The following SI variants were observed in gnomAD, a reference collection of about 807,000 sequenced individuals.
SI encodes the protein sucrase-isomaltase, also known as sucrase-isomaltase, intestinal.
Under a neutral mutation model 253.3 loss-of-function variants are expected in SI, and 235 were observed. The observed-to-expected ratio is 0.93, with a 90% CI of 0.83 to 1.03. The LOEUF (loss-of-function observed/expected upper bound fraction) is 1.03, where lower values mean the gene tolerates loss of function less well. SI is among the 50% of genes least tolerant of loss of function. The pLI is 0.00. For synonymous variants in SI, 819 were observed against 712.0 expected (o/e 1.15, Z -2.39); for missense variants, 2,442 against 2,211.1 (o/e 1.10, Z -2.09).
At chr3:165,002,779 T>A (rs1718313723) in intron 37 of SI, among the ~76,000 whole-genome samples, 1 of 151,764 alleles carries the variant, frequency 6.6e-6, no homozygotes. Context: ...AAAATTAAAA[T>A]ATTAAGAAAG....
chr3:165,074,683 A>C lies in SI; in HGVS notation c.119-16T>G. On this transcript the variant is annotated splice_polypyrimidine_tract_variant and intron_variant, in intron 2 of 47. Transcript: ENST00000264382. ...TCACTAATTTCTGGGGGAGGAAAAA[A>C]CTCAATAAAATAAAACATGACATTA... The C allele has an allele frequency of 6.3e-7, 1 of 1,598,496 alleles. No individual in the cohort carries two copies. The highest frequency in any genetic ancestry group is 1.3e-5 in the African/African-American group (1 of 74,630).
At chr3:165,001,639 T>C in intron 37 of SI, among the ~76,000 whole-genome samples, 1 of 151,576 alleles carries the variant, frequency 6.6e-6, no homozygotes, top group East Asian at 1.9e-4. Flanking sequence ...CAATGTTCTA[T>C]TCATCTATAT....
At chr3:165,035,234 A>G (rs1203307551) in intron 22 of SI, among the ~76,000 whole-genome samples, 1 of 152,016 alleles carries the variant, frequency 6.6e-6, no homozygotes, top group African/African-American at 2.4e-5. Flanking sequence ...GGTAAATGGT[A>G]TAAAAGACTA....
intron 13 of SI, among the ~76,000 whole-genome samples, chr3:165,053,157 C>T (rs1465138612): frequency 1.3e-5 from 2 of 151,536 alleles, no homozygotes; most frequent in East Asian, 1.9e-4. Context: ...CTCAACTATT[C>T]GATTATCCCA....
At chr3:165,049,961 T>C (rs1195186791) in intron 13 of SI, 86 bp from the exon 14 acceptor site, 2 of 850,314 alleles carry the variant, frequency 2.4e-6, no homozygotes, top group Non-Finnish European at 4.0e-6. Flanking sequence ...TGAAAATGTT[T>C]TATATAAGAT....
chr3:165,062,709 T>C (rs192908008), intron 8 of SI, among the ~76,000 whole-genome samples: 8 of 152,164 alleles, frequency 5.3e-5, no homozygotes, highest in Admixed American at 2.0e-4. Context: ...CTTTCACAGG[T>C]GGTGGCAAAA....
chr3:164,994,917 T>A (rs1220305642), intron 40 of SI, among the ~76,000 whole-genome samples: 1 of 151,748 alleles, frequency 6.6e-6, no homozygotes, highest in Non-Finnish European at 1.5e-5. Flanking sequence ...AAGGAAATAA[T>A]GTGCCTGAGT....
Position 165,049,814 on chromosome 3 carries a change from A to C in SI, c.1574T>G (p.Leu525Trp). ...ACCAGGAGTAAACGGTGGATAATTC[A>C]ATTTGTTTACATTACATCCTTTTGT... The part of the protein sequence containing the change: ...GSTKGCNVNK[L>W]NYPPFTPDIL... Residue 525 changes from leucine to tryptophan, a missense_variant, in exon 14 of 48, where the codon TTG (leucine) becomes TGG (tryptophan). Leu to Trp is a moderately conservative substitution (Grantham distance 61, BLOSUM62 -2). Coordinates refer to ENST00000264382, the MANE Select transcript of SI (RefSeq NM_001041.4). 6.2e-7 allele frequency: 1 copy of C among 1,603,080 alleles called. No homozygotes were observed. Among genetic ancestry groups the C allele is most frequent in the Non-Finnish European group, 8.5e-7 (1 of 1,170,956 alleles).
intron 45 of SI, among the ~76,000 whole-genome samples, chr3:164,985,527 A>G (rs1717394414): frequency 1.3e-5 from 2 of 152,150 alleles, no homozygotes; most frequent in African/African-American, 2.4e-5. Context: ...ACTTTATTAC[A>G]CTTATTTACT....
At position 164,998,626 on chromosome 3, in the gene SI, G is replaced by A. The variant is rs1311477041; in HGVS notation, c.4454C>T (p.Ser1485Phe). The change falls in exon 38 of 48, where the codon TCC becomes TTC. Residue 1485 changes from serine (S) to phenylalanine (F), a missense_variant. Ser to Phe is a radical substitution (Grantham distance 155). Transcript: ENST00000264382. ...CCATCGTCCACTAGTAGGATACGTGGAACGAGAAATTACAATCCCTCTTTT... is the reference window on the plus strand; with the variant it reads ...CCATCGTCCACTAGTAGGATACGTGAAACGAGAAATTACAATCCCTCTTTT... ...TGKRGIVISR[S>F]TYPTSGRWGG... The A allele has an allele frequency of 1.9e-6, 3 of 1,611,400 alleles. No homozygotes were observed. Among genetic ancestry groups the A allele is most frequent in the African/African-American group, 2.7e-5 (2 of 74,782 alleles).
At chr3:165,042,449 G>T (rs1235340268) in intron 17 of SI, among the ~76,000 whole-genome samples, 1 of 152,038 alleles carries the variant, frequency 6.6e-6, no homozygotes, top group Non-Finnish European at 1.5e-5. Context: ...CGAAAAACAT[G>T]CCTATGATCA....
intron 13 of SI, among the ~76,000 whole-genome samples, chr3:165,052,165 GTTT>G (rs1713466204): frequency 6.6e-6 from 1 of 152,024 alleles, no homozygotes; most frequent in Non-Finnish European, 1.5e-5. Context: ...CTATTGTAGT[GTTT>G]TTAAGTGGCA....
rs1467749055 is a variant in SI at position 165,049,018 on chromosome 3, T to TAAA, written c.1715+108_1715+109insTTT. The TAAA allele has an allele frequency of 7.3e-5, 51 of 702,272 alleles. No individual in the cohort carries two copies. In the African/African-American group the frequency reaches 9.6e-4, roughly 13 times the overall value. 43.5% of individuals were successfully genotyped at this position (702,272 alleles called of 1,614,324 possible). ...TTTTTAGCAGGCATAAAATATTATC[T>TAAA]TTCTTTTTTCAACTTTGCTATTTCC... On this transcript the variant is annotated intron_variant, in intron 15 of 47. Coordinates refer to ENST00000264382, the MANE Select transcript of SI (RefSeq NM_001041.4).
the SI span, among the ~76,000 whole-genome samples, chr3:165,089,066 G>A: frequency 1.4e-5 from 2 of 138,210 alleles, no homozygotes; most frequent in Admixed American, 8.0e-5. Flanking sequence ...ACTTTTTACG[G>A]CCTTTTCTTT....
chr3:165,060,875 A>G (rs1163375809), intron 9 of SI, among the ~76,000 whole-genome samples: 1 of 147,184 alleles, frequency 6.8e-6, no homozygotes, highest in African/African-American at 2.5e-5. Context: ...AAAAATATAT[A>G]TATATATAGG....
chr3:165,079,529 T>C (rs2108125183), upstream of SI, among the ~76,000 whole-genome samples: 1 of 151,868 alleles, frequency 6.6e-6, no homozygotes, highest in South Asian at 2.1e-4. Context: ...AATTTCAGTA[T>C]ATAAAATCAG....
chr3:165,049,149 T>C lies in SI; in HGVS notation c.1693A>G (p.Ser565Gly), dbSNP rs1713299031. 2 of 1,598,236 alleles carry C rather than the reference T, an allele frequency of 1.3e-6. No individual in the cohort carries two copies. Among genetic ancestry groups the C allele is most frequent in the East Asian group, 4.5e-5 (2 of 44,666 alleles). The change falls in exon 15 of 48, where the codon AGC becomes GGC. Residue 565 changes from serine to glycine, a missense_variant. Coordinates refer to ENST00000264382, the MANE Select transcript of SI (RefSeq NM_001041.4). ...QYDVHSLYGY[S>G]MAIATEQAVQ... Reference sequence around the variant, plus strand: ...TACTGCTCTGTGGCTATAGCCATGCTGTATCCATAGAGGCTATGAACATCA... The same window carrying C: ...TACTGCTCTGTGGCTATAGCCATGCCGTATCCATAGAGGCTATGAACATCA...
At chr3:165,003,836 G>T (rs1718369687) in intron 37 of SI, among the ~76,000 whole-genome samples, 1 of 151,786 alleles carries the variant, frequency 6.6e-6, no homozygotes, top group African/African-American at 2.4e-5. Flanking sequence ...TAAAAAGCAA[G>T]AAATCAAATA....
At chr3:164,987,351 C>T in intron 44 of SI, 125 bp from the exon 45 acceptor site, 1 of 732,944 alleles carries the variant, frequency 1.4e-6, no homozygotes, top group Admixed American at 2.4e-5. Context: ...CTGACTTAGA[C>T]TAAGAAAATT....
Sources: gnomAD v4.1 joint callset for allele counts (sites outside exome capture counted in the v4.1 genomes callset) on GRCh38, gnomAD v4.1.1 for gene constraint, MANE v1.5 for transcripts, NCBI Gene and HGNC (gene_info 2026-07-23, HGNC 2026-07-21) for gene names.